The following IL22RA1 variants were observed in gnomAD, a reference collection of about 807,000 sequenced individuals.
The protein encoded by IL22RA1 is interleukin 22 receptor subunit alpha 1, also known as interleukin-22 receptor subunit alpha-1.
In IL22RA1, 25 loss-of-function variants were observed where a neutral mutation model predicts 32.8. That is an observed-to-expected ratio of 0.76 (90% CI 0.55 to 1.06). The LOEUF (loss-of-function observed/expected upper bound fraction) is 1.06, where lower values mean the gene tolerates loss of function less well. IL22RA1 is among the 50% of genes least tolerant of loss of function. The probability of loss-of-function intolerance (pLI) is 0.00; values close to 1 mark genes in which losing one functional copy is unlikely to be tolerated. For missense variants in IL22RA1, 709 were observed against 727.4 expected, an observed-to-expected ratio of 0.97 and a Z score of 0.29; for synonymous variants, 305 against 305.0, an observed-to-expected ratio of 1.00 and a Z score of 0.00.
At chr1:24,134,156 T>A (rs971609320) in intron 4 of IL22RA1, 55 bp downstream of exon 4, 7 of 1,478,904 alleles carry the variant, frequency 4.7e-6, no homozygotes, top group South Asian at 1.2e-5. Context: ...CAGATCTAAT[T>A]GGGAGGGAAG....
intron 1 of IL22RA1, among the ~76,000 whole-genome samples, chr1:24,139,822 T>C (rs1463792964): frequency 6.6e-6 from 1 of 152,254 alleles, no homozygotes; most frequent in South Asian, 2.1e-4. Context: ...TCGCCATTGA[T>C]GCTTGGTATT....
intron 2 of IL22RA1, among the ~76,000 whole-genome samples, chr1:24,137,911 C>A (rs1381052337): frequency 6.6e-6 from 1 of 152,170 alleles, no homozygotes; most frequent in Non-Finnish European, 1.5e-5. Context: ...GGATTTGAAC[C>A]CAGCCAGTCT....
At chr1:24,128,118 C>T (rs1183904119) in intron 5 of IL22RA1, 23 bp downstream of exon 5, 5 of 1,496,214 alleles carry the variant, frequency 3.3e-6, no homozygotes, top group Non-Finnish European at 4.5e-6. Flanking sequence ...GCCCCACCTC[C>T]CTCTGGTTTC....
At chr1:24,122,406 TG>T (rs936887720) in intron 6 of IL22RA1, among the ~76,000 whole-genome samples, 56 of 94,386 alleles carry the variant, frequency 5.9e-4, no homozygotes, top group Admixed American at 1.6e-3. Context: ...ATTTTTTGGG[TG>T]GGGGGTGGTT....
In IL22RA1 at chr1:24,137,205, G is replaced by A; in HGVS notation, c.281C>T (p.Ala94Val). ...ETGNLTELYY[A>V]RVTAVSAGGR... Reference sequence around the variant, plus strand: ...TCCCGCACTGACAGCGGTGACCCTGGCATAGTAGAGCTCCGTGAGGTTGCC... The same window carrying A: ...TCCCGCACTGACAGCGGTGACCCTGACATAGTAGAGCTCCGTGAGGTTGCC... Residue 94 changes from alanine (A) to valine (V), a missense_variant, in exon 3 of 7, where the codon GCC (alanine) becomes GTC (valine). Coordinates refer to ENST00000270800, the MANE Select transcript of IL22RA1 (RefSeq NM_021258.4). The A allele has an allele frequency of 6.2e-7, 1 of 1,614,106 alleles. No homozygotes were observed.
intron 5 of IL22RA1, among the ~76,000 whole-genome samples, chr1:24,126,343 T>C (rs1055644964): frequency 2.0e-5 from 3 of 152,224 alleles, no homozygotes; most frequent in Non-Finnish European, 4.4e-5. Context: ...TGTGGGCTGT[T>C]TGGAAAAGTG....
rs144373838 is a variant in IL22RA1, at chr1:24,141,548, C to T, written c.43+1492G>A. On this transcript the variant is annotated intron_variant, in intron 1 of 6. Transcript: ENST00000270800. ...TGCCAAGGCAAAGGACCCTGGGCTACGTGGAGGTTGGCACCACTTTTCAGG... is the reference window on the plus strand; with the variant it reads ...TGCCAAGGCAAAGGACCCTGGGCTATGTGGAGGTTGGCACCACTTTTCAGG... Among the ~76,000 whole-genome samples, 362 of 152,232 alleles carry T rather than the reference C, an allele frequency of 2.4e-3. 3 individuals are homozygous for T. Among genetic ancestry groups the T allele is most frequent in the African/African-American group, 7.9e-3 (329 of 41,550 alleles).
In IL22RA1 at chr1:24,134,252, A is replaced by G; in HGVS notation, c.490T>C (p.Phe164Leu). The change falls in exon 4 of 7, where the codon TTC becomes CTC. Residue 164 changes from phenylalanine to leucine, a missense_variant. Coordinates refer to ENST00000270800, the MANE Select transcript of IL22RA1 (RefSeq NM_021258.4). ...LTLEDIFHDL[F>L]YHLELQVNRT... ...TTGACCTGGAGCTCTAAGTGGTAGA[A>G]CAGGTCATGGAAGATGTCTTCCAGG... is the stretch of plus-strand genomic sequence containing the variant. 2.5e-6 allele frequency: 4 copies of G among 1,612,266 alleles called. No homozygotes were observed. The highest frequency in any genetic ancestry group is 2.5e-6 in the Non-Finnish European group (3 of 1,179,120).
At chr1:24,140,135 C>G (rs1329649091) in intron 1 of IL22RA1, among the ~76,000 whole-genome samples, 1 of 152,236 alleles carries the variant, frequency 6.6e-6, no homozygotes, top group Admixed American at 6.5e-5. Flanking sequence ...CAGGCAAGTC[C>G]CTCCCTTCAT....
chr1:24,132,404 C>T (rs1187536952), intron 4 of IL22RA1, among the ~76,000 whole-genome samples: 3 of 150,350 alleles, frequency 2.0e-5, no homozygotes, highest in Admixed American at 2.0e-4. Context: ...CGATCTTGGC[C>T]CACTGCAAGC....
intron 3 of IL22RA1, chr1:24,134,819 T>A: frequency 2.0e-6 from 2 of 982,622 alleles, no homozygotes; most frequent in Non-Finnish European, 2.4e-6. Context: ...TGATGCAGCC[T>A]CAAAGATCAG....
chr1:24,140,318 T>C (rs1192191339), intron 1 of IL22RA1, among the ~76,000 whole-genome samples: 1 of 152,154 alleles, frequency 6.6e-6, no homozygotes, highest in African/African-American at 2.4e-5. Context: ...TGTGAATGTG[T>C]TTAGTGTCTA....
At chr1:24,128,406 T>A in intron 4 of IL22RA1, 127 bp from the exon 5 acceptor site, 2 of 1,081,590 alleles carry the variant, frequency 1.8e-6, no homozygotes, top group Non-Finnish European at 1.4e-6. Context: ...AGCCTCTGTT[T>A]CCATTCCCCT....
At chr1:24,142,433 A>G (rs961086920) in intron 1 of IL22RA1, among the ~76,000 whole-genome samples, 3 of 152,160 alleles carry the variant, frequency 2.0e-5, no homozygotes, top group African/African-American at 7.2e-5. Flanking sequence ...CGCTCACTTT[A>G]TTGGCTTTGA....
chr1:24,141,896 A>G (rs1644283508), intron 1 of IL22RA1, among the ~76,000 whole-genome samples: 1 of 152,178 alleles, frequency 6.6e-6, no homozygotes, highest in Non-Finnish European at 1.5e-5. Flanking sequence ...AAAATACACA[A>G]ACAAGAAACA....
chr1:24,140,264 C>T (rs1015699857), intron 1 of IL22RA1, among the ~76,000 whole-genome samples: 2 of 152,200 alleles, frequency 1.3e-5, no homozygotes, highest in Non-Finnish European at 2.9e-5. Flanking sequence ...AATATTCATC[C>T]CAGTGCTAGA....
At chr1:24,138,780 C>CAA in intron 1 of IL22RA1, 66 bp from the exon 2 acceptor site, 1 of 1,557,612 alleles carries the variant, frequency 6.4e-7, no homozygotes, top group East Asian at 2.3e-5. Flanking sequence ...TGTATGGGCT[C>CAA]AGTCAGAGTC....
At chr1:24,135,402 G>T (rs1644234892) in intron 3 of IL22RA1, among the ~76,000 whole-genome samples, 1 of 152,110 alleles carries the variant, frequency 6.6e-6, no homozygotes, top group Non-Finnish European at 1.5e-5. Context: ...CAATGAATGT[G>T]AATTCACTGA....
chr1:24,121,464 C>A lies in IL22RA1; in HGVS notation c.1066G>T (p.Ala356Ser). Residue 356 changes from alanine (A) to serine (S), a missense_variant, in exon 7 of 7, where the codon GCC becomes TCC. Coordinates refer to ENST00000270800, the MANE Select transcript of IL22RA1 (RefSeq NM_021258.4). ...TAGGATGGGGGCCCGACCTCAGGGG[C>A]AGCGTTTGGGGCATAGGACAGTGGG... Reference protein sequence around the residue: ...LSPLSYAPNAAPEVGPPSYAP... With the variant: ...LSPLSYAPNASPEVGPPSYAP... 1 of 1,545,218 alleles carries A rather than the reference C, an allele frequency of 6.5e-7. No individual in the cohort carries two copies. Among genetic ancestry groups the A allele is most frequent in the Non-Finnish European group, 8.7e-7 (1 of 1,143,826 alleles).
Sources: allele counts gnomAD v4.1 joint callset (sites outside exome capture counted in the v4.1 genomes callset), GRCh38; gene constraint gnomAD v4.1.1; transcripts MANE v1.5; gene names NCBI Gene and HGNC (gene_info 2026-07-23, HGNC 2026-07-21).